Variants in ZNF148 observed in about 807,000 individuals in gnomAD.
ZNF148 encodes the protein Beta-Enolase Repressor Factor-1.
In ZNF148, 7 loss-of-function variants were observed where a neutral mutation model predicts 67.7. The ratio of observed to expected loss-of-function variants is 0.10; its 90% CI spans 0.06 to 0.19. The LOEUF (loss-of-function observed/expected upper bound fraction) is 0.19. ZNF148 is among the 10% of genes least tolerant of loss of function. The pLI is 1.00. For synonymous variants in ZNF148, 333 were observed against 330.7 expected (o/e 1.01, Z -0.08); for missense variants, 583 against 947.1 (o/e 0.62, Z 5.05).
At chr3:125,332,678 T>C (rs1301130947) in intron 1 of ZNF148, among the ~76,000 whole-genome samples, 1 of 152,168 alleles carries the variant, frequency 6.6e-6, no homozygotes, top group Non-Finnish European at 1.5e-5. Flanking sequence ...CCAATCAAGC[T>C]ATTTCTGCTT....
intron 7 of ZNF148, among the ~76,000 whole-genome samples, chr3:125,252,766 CAAA>C (rs35108764): frequency 0.69 from 84,865 of 123,672 alleles, 27,927 homozygotes; most frequent in Middle Eastern, 0.81. Flanking sequence ...GACTCTGTCT[CAAA>C]AAAAAAAAAA....
chr3:125,330,300 A>G (rs1194298827), intron 2 of ZNF148, among the ~76,000 whole-genome samples: 1 of 150,278 alleles, frequency 6.7e-6, no homozygotes, highest in East Asian at 2.0e-4. Flanking sequence ...CCCTATCTCA[A>G]GAAAAAACAC....
At chr3:125,244,580 C>T (rs1230904620) in intron 7 of ZNF148, among the ~76,000 whole-genome samples, 1 of 152,060 alleles carries the variant, frequency 6.6e-6, no homozygotes, top group Non-Finnish European at 1.5e-5. Context: ...TCACTGCAAC[C>T]TCCACCTCCC....
Position 125,232,509 on chromosome 3 carries a change from T to C in ZNF148, c.2217A>G (p.Gly739=). Residue 739 remains glycine, a synonymous_variant, in exon 9 of 9, where the codon GGA becomes GGG. Coordinates refer to ENST00000360647, the MANE Select transcript of ZNF148 (RefSeq NM_021964.3). This position sits in a 1 kb window ranked among gnomAD's most constrained non-coding sequence, Gnocchi z 4.2. ...FEQPFRAPYH[G]SRAGIATQFS... ...ATTGAGTAGCTATTCCAGCTCTTGA[T>C]CCATGATAGGGAGCACGGAAGGGCT... 2 of 1,613,682 alleles carry C rather than the reference T, an allele frequency of 1.2e-6. No individual in the cohort carries two copies. The highest frequency in any genetic ancestry group is 1.7e-6 in the Non-Finnish European group (2 of 1,179,736).
intron 1 of ZNF148, among the ~76,000 whole-genome samples, chr3:125,341,145 A>G (rs1941705481): frequency 6.6e-6 from 1 of 151,776 alleles, no homozygotes; most frequent in African/African-American, 2.4e-5. Context: ...AGTTTCAACA[A>G]TATATTAACA....
chr3:125,233,174 A>G lies in ZNF148; in HGVS notation c.1552T>C (p.Leu518=). 6.2e-7 allele frequency: 1 copy of G among 1,613,920 alleles called. No homozygotes were observed. Among genetic ancestry groups the G allele is most frequent in the Middle Eastern group, 1.7e-4 (1 of 6,056 alleles). Residue 518 remains leucine (L), a synonymous_variant, in exon 9 of 9, where the codon TTA becomes CTA. Transcript: ENST00000360647. The surrounding 1 kb of genome is among the most constrained non-coding windows in gnomAD (Gnocchi z 5.1). ...TCCACATTCAGTGCCTGTGACTCTA[A>G]TATGGATGCCGTGGTACTTTCATCA... is the stretch of plus-strand genomic sequence containing the variant. ...VIDESTTASI[L]ESQALNVEIK...
chr3:125,264,670 A>T (rs889812783), intron 7 of ZNF148, among the ~76,000 whole-genome samples: 3 of 152,244 alleles, frequency 2.0e-5, no homozygotes, highest in Admixed American at 1.3e-4. Flanking sequence ...TCTTCTGTTT[A>T]AACAACTATT....
At chr3:125,239,811 T>C (rs539234562) in intron 7 of ZNF148, among the ~76,000 whole-genome samples, 24 of 152,120 alleles carry the variant, frequency 1.6e-4, no homozygotes, top group African/African-American at 5.8e-4. Context: ...ACTATAAAAA[T>C]GGAATGGAAT....
intron 1 of ZNF148, among the ~76,000 whole-genome samples, chr3:125,368,884 G>T (rs1230385614): frequency 2.0e-5 from 3 of 151,766 alleles, no homozygotes; most frequent in Admixed American, 2.0e-4. Context: ...GGCAGAGGTT[G>T]CAGTGAGCCA....
At chr3:125,282,520 G>T (rs1456711193) in intron 5 of ZNF148, among the ~76,000 whole-genome samples, 1 of 152,056 alleles carries the variant, frequency 6.6e-6, no homozygotes. Flanking sequence ...TCAGGTTTTA[G>T]CAAGTGGAGA....
At chr3:125,258,182 G>A (rs1197891017) in intron 7 of ZNF148, among the ~76,000 whole-genome samples, 1 of 151,908 alleles carries the variant, frequency 6.6e-6, no homozygotes, top group Non-Finnish European at 1.5e-5. Flanking sequence ...CAGAACTTTG[G>A]GAGGCCAAGG....
rs10665336 is a variant in ZNF148 at position 125,279,254 on chromosome 3, C to CAAAAA, written c.460-12_460-8dup. On this transcript the variant is annotated splice_polypyrimidine_tract_variant and splice_region_variant and intron_variant, in intron 5 of 8. Transcript: ENST00000360647. The stretch of plus-strand genomic sequence containing the variant: ...CCTCATTTATTGTAAGGATCTAGTT[C>CAAAAA]AAAAAAAAAAAGGCAAAAACAAAAG... The CAAAAA allele has an allele frequency of 1.5e-4, 198 of 1,317,144 alleles. No individual in the cohort carries two copies. Among genetic ancestry groups the CAAAAA allele is most frequent in the South Asian group, 3.5e-4 (20 of 56,996 alleles). 81.6% of individuals were successfully genotyped at this position (1,317,144 alleles called of 1,614,324 possible). A position where few individuals can be genotyped will look rare whatever the true frequency, so the allele number is the denominator to read the frequency against.
intron 1 of ZNF148, among the ~76,000 whole-genome samples, chr3:125,354,603 A>G (rs1450485805): frequency 6.6e-6 from 1 of 152,222 alleles, no homozygotes; most frequent in Non-Finnish European, 1.5e-5. Context: ...AATCAGCACA[A>G]TAATTCACCA....
At chr3:125,294,225 A>G (rs9818938) in intron 4 of ZNF148, among the ~76,000 whole-genome samples, 117,253 of 152,076 alleles carry the variant, frequency 0.77, 45,754 homozygotes, top group African/African-American at 0.85. Context: ...AAAAGTCTGC[A>G]TTCAACTGAA....
chr3:125,325,713 T>A (rs1217085870), intron 2 of ZNF148, among the ~76,000 whole-genome samples: 1 of 152,134 alleles, frequency 6.6e-6, no homozygotes, highest in Non-Finnish European at 1.5e-5. Context: ...GATCTGACCA[T>A]CTTGGCCTCC....
rs1257850211 is a variant in ZNF148 at position 125,233,754 on chromosome 3, T to C, written c.972A>G (p.Ser324=). ...AAGCACTCTCTTTGTCCATTCCAGA[T>C]GATTTTTTCTCCGTTTTCTGCCTTT... ...KKKRQKTEKK[S]SGMDKESALD... The change falls in exon 9 of 9, where the codon TCA becomes TCG. Residue 324 remains serine, a synonymous_variant. Coordinates refer to ENST00000360647, the MANE Select transcript of ZNF148 (RefSeq NM_021964.3). The surrounding 1 kb of genome is among the most constrained non-coding windows in gnomAD (Gnocchi z 5.1). The C allele has an allele frequency of 6.2e-7, 1 of 1,613,688 alleles. No homozygotes were observed. Among genetic ancestry groups the C allele is most frequent in the Admixed American group, 1.7e-5 (1 of 59,922 alleles).
At chr3:125,247,072 GTTAAAT>G (rs1936634257) in intron 7 of ZNF148, among the ~76,000 whole-genome samples, 1 of 152,186 alleles carries the variant, frequency 6.6e-6, no homozygotes, top group Non-Finnish European at 1.5e-5. Context: ...GTCAATGTCA[GTTAAAT>G]CAAAGTGGCA....
At chr3:125,364,357 C>T (rs1579912027) in intron 1 of ZNF148, among the ~76,000 whole-genome samples, 1 of 152,238 alleles carries the variant, frequency 6.6e-6, no homozygotes, top group East Asian at 1.9e-4. Flanking sequence ...AGACATCGCA[C>T]CACTCCAGCC....
intron 7 of ZNF148, among the ~76,000 whole-genome samples, chr3:125,262,235 T>G (rs1340615856): frequency 1.3e-5 from 2 of 152,224 alleles, no homozygotes; most frequent in Admixed American, 1.3e-4. Context: ...CAGAAAATTT[T>G]ATTAGATCCC....
Sources: gnomAD v4.1 joint callset for allele counts (sites outside exome capture counted in the v4.1 genomes callset) on GRCh38, gnomAD v4.1.1 for gene constraint, Gnocchi (gnomAD v3.1) non-coding constraint, MANE v1.5 for transcripts, NCBI Gene and HGNC (gene_info 2026-07-23, HGNC 2026-07-21) for gene names.